Variants in ATRNL1 observed in about 807,000 individuals in gnomAD.
ATRNL1 encodes the protein attractin-like protein 1.
Under a neutral mutation model 182.7 loss-of-function variants are expected in ATRNL1, and 95 were observed. The ratio of observed to expected loss-of-function variants is 0.52; its 90% CI spans 0.44 to 0.62. The LOEUF (loss-of-function observed/expected upper bound fraction) is 0.62. Among genes scored for constraint, ATRNL1 ranks in the 20% least tolerant of loss-of-function variants. The pLI, the probability that ATRNL1 is intolerant of heterozygous loss-of-function variation, is 0.00. For synonymous variants in ATRNL1, 576 were observed against 568.3 expected, an observed-to-expected ratio of 1.01 and a Z score of -0.19; for missense variants, 1,471 against 1,679.5, an observed-to-expected ratio of 0.88 and a Z score of 2.17.
Position 115,173,110 on chromosome 10 carries a change from T to C in ATRNL1, c.1348+1818T>C, listed in dbSNP as rs988362875. 4.6e-5 allele frequency among the ~76,000 whole-genome samples: 7 copies of C among 151,808 alleles called. No homozygotes were observed. In the East Asian group the frequency reaches 1.4e-3, roughly 29 times the overall value. On this transcript the variant is annotated intron_variant, in intron 8 of 28. Transcript: ENST00000355044. ...GAGAATGGCTATTGATGAGAACACG[T>C]TGGAGGGTGATGGTTAATAAGCAAT...
intron 15 of ATRNL1, among the ~76,000 whole-genome samples, chr10:115,297,367 C>T (rs782481319): frequency 7.2e-5 from 11 of 151,930 alleles, no homozygotes; most frequent in Non-Finnish European, 1.5e-4. Flanking sequence ...ACCGTCCGGG[C>T]GTGGTGGCTG....
In ATRNL1 at chr10:115,507,057, G is replaced by T. The variant is rs537549619; in HGVS notation, c.3655-12206G>T. On this transcript the variant is annotated intron_variant, in intron 24 of 28. Transcript: ENST00000355044. ...ATTAACATACATAAGATGAACATTG[G>T]TTCAGTCTGGAAAGTCAGGACAGCT... Among the ~76,000 whole-genome samples the T allele has an allele frequency of 1.1e-4, 16 of 152,206 alleles. No individual in the cohort carries two copies. The East Asian group carries it at 2.5e-3, about 24-fold the overall frequency.
Position 115,801,504 on chromosome 10 carries a change from GTAT to G in ATRNL1, c.3904-46366_3904-46364del, listed in dbSNP as rs1290905284. ...CTTTATTTGCAATAAAAATATTGGG[GTAT>G]TATTATCTTTGAAATGCAGATTATG... On this transcript the variant is annotated intron_variant, in intron 27 of 28. Transcript: ENST00000355044. Among the ~76,000 whole-genome samples, 20 of 152,238 alleles carry G rather than the reference GTAT, an allele frequency of 1.3e-4. No homozygotes were observed. The East Asian group carries it at 1.9e-3, about 15-fold the overall frequency.
chr10:115,432,270 T>G (rs897297437), intron 21 of ATRNL1, among the ~76,000 whole-genome samples: 4 of 152,132 alleles, frequency 2.6e-5, no homozygotes, highest in African/African-American at 9.7e-5. Context: ...TTAATTCAAA[T>G]CAGTTACTTT....
intron 8 of ATRNL1, among the ~76,000 whole-genome samples, chr10:115,206,141 C>A (rs1848786823): frequency 6.6e-6 from 1 of 152,102 alleles, no homozygotes; most frequent in African/African-American, 2.4e-5. Context: ...TGGGCCACTT[C>A]TTTCTGGCCT....
At chr10:115,559,183 C>T (rs1853511275) in intron 26 of ATRNL1, among the ~76,000 whole-genome samples, 3 of 152,150 alleles carry the variant, frequency 2.0e-5, no homozygotes, top group Non-Finnish European at 4.4e-5. Context: ...GCCACTGTCC[C>T]CATCATTAGC....
At chr10:115,202,070 T>G (rs1221036437) in intron 8 of ATRNL1, among the ~76,000 whole-genome samples, 3 of 151,950 alleles carry the variant, frequency 2.0e-5, no homozygotes, top group Non-Finnish European at 4.4e-5. Flanking sequence ...GTGATTTTTG[T>G]ACATTGATTT....
At chr10:115,508,677 G>A (rs977694101) in intron 24 of ATRNL1, among the ~76,000 whole-genome samples, 19 of 151,966 alleles carry the variant, frequency 1.3e-4, no homozygotes, top group Admixed American at 3.3e-4. Flanking sequence ...TTAGAGTAGA[G>A]CCTAACTTTC....
chr10:115,623,955 A>T (rs1294453614), intron 26 of ATRNL1, among the ~76,000 whole-genome samples: 1 of 152,158 alleles, frequency 6.6e-6, no homozygotes, highest in Non-Finnish European at 1.5e-5. Flanking sequence ...GCATGAAAGG[A>T]TTTAATTTTA....
At chr10:115,492,327 C>T (rs1327753685) in intron 24 of ATRNL1, among the ~76,000 whole-genome samples, 4 of 152,016 alleles carry the variant, frequency 2.6e-5, no homozygotes, top group African/African-American at 7.2e-5. Context: ...GGTGGGCATT[C>T]GTCCTTGCCT....
At chr10:115,489,675 T>C (rs2134649514) in intron 24 of ATRNL1, among the ~76,000 whole-genome samples, 1 of 152,302 alleles carries the variant, frequency 6.6e-6, no homozygotes, top group East Asian at 1.9e-4. Context: ...CTTGACTCTA[T>C]CCAATTTGCC....
chr10:115,924,388 CATTTAA>C (rs1194628328), intron 28 of ATRNL1, among the ~76,000 whole-genome samples: 1 of 152,000 alleles, frequency 6.6e-6, no homozygotes, highest in African/African-American at 2.4e-5. Flanking sequence ...TGGGGTTTTA[CATTTAA>C]CTTTTTAATC....
chr10:115,393,157 A>G (rs1554954748), intron 19 of ATRNL1, among the ~76,000 whole-genome samples: 1 of 152,074 alleles, frequency 6.6e-6, no homozygotes, highest in Non-Finnish European at 1.5e-5. Context: ...GATAATCCCC[A>G]TCCAATCTTT....
chr10:115,524,823 A>G (rs11197264), intron 25 of ATRNL1, among the ~76,000 whole-genome samples: 64,691 of 151,924 alleles, frequency 0.43, 14,257 homozygotes, highest in Middle Eastern at 0.53. Flanking sequence ...CCACCCCATG[A>G]ACACCCCAAC....
At chr10:115,359,269 A>G (rs1856634140) in intron 19 of ATRNL1, among the ~76,000 whole-genome samples, 2 of 151,638 alleles carry the variant, frequency 1.3e-5, no homozygotes, top group Non-Finnish European at 3.0e-5. Context: ...TTGTATGCTC[A>G]CTATTAGGTA....
At position 115,713,466 on chromosome 10, in the gene ATRNL1, T is replaced by TG. The variant is rs1565310421; in HGVS notation, c.3796-13782_3796-13781insG. On this transcript the variant is annotated intron_variant, in intron 26 of 28. Transcript: ENST00000355044. ...GGCTGTGTGTGTGTGTGTGTGTGTG[T>TG]TTGTGTGTGTGTCTGTGTGAAGATG... Among the ~76,000 whole-genome samples the TG allele has an allele frequency of 5.1e-3, 769 of 151,898 alleles. 8 individuals carry two copies. Among genetic ancestry groups the TG allele is most frequent in the African/African-American group, 0.018 (742 of 41,364 alleles).
At chr10:115,497,464 C>T (rs183512050) in intron 24 of ATRNL1, among the ~76,000 whole-genome samples, 38 of 152,168 alleles carry the variant, frequency 2.5e-4, no homozygotes, top group African/African-American at 8.2e-4. Flanking sequence ...TTTGGGCGGG[C>T]AATAGTTCTG....
intron 27 of ATRNL1, among the ~76,000 whole-genome samples, chr10:115,728,857 A>G (rs1344200707): frequency 6.6e-6 from 1 of 152,200 alleles, no homozygotes; most frequent in Non-Finnish European, 1.5e-5. Flanking sequence ...GAATGATTAA[A>G]TGAAAGTTAC....
intron 26 of ATRNL1, among the ~76,000 whole-genome samples, chr10:115,713,711 TC>T (rs1947154706): frequency 7.7e-5 from 11 of 142,500 alleles, no homozygotes; most frequent in African/African-American, 2.9e-4. Flanking sequence ...CTATCATCTA[TC>T]TATCTATCTA....
Sources: gnomAD v4.1 joint callset for allele counts (sites outside exome capture counted in the v4.1 genomes callset) on GRCh38, gnomAD v4.1.1 for gene constraint, MANE v1.5 for transcripts, NCBI Gene and HGNC (gene_info 2026-07-23, HGNC 2026-07-21) for gene names.